Variants in VPS13A observed in about 807,000 individuals in gnomAD.
VPS13A encodes the protein intermembrane lipid transfer protein VPS13A.
A neutral mutation model predicts 390.9 loss-of-function variants in VPS13A; 264 were observed. That is an observed-to-expected ratio of 0.68 (90% CI 0.61 to 0.75). The LOEUF is 0.75. VPS13A is among the 30% of genes least tolerant of loss of function. The pLI is 0.00. For synonymous variants in VPS13A, 1,231 were observed against 1,227.1 expected, an observed-to-expected ratio of 1.00 and a Z score of -0.07; for missense variants, 3,409 against 3,733.9, an observed-to-expected ratio of 0.91 and a Z score of 2.27.
chr9:77,201,522 A>G, intron 3 of VPS13A, 115 bp downstream of exon 3: 3 of 983,020 alleles, frequency 3.1e-6, no homozygotes, highest in Admixed American at 3.5e-5. Context: ...ATTAAAAATA[A>G]TCATGTGTTT....
At chr9:77,298,932 C>G (rs1303871644) in intron 33 of VPS13A, among the ~76,000 whole-genome samples, 2 of 152,134 alleles carry the variant, frequency 1.3e-5, no homozygotes, top group Non-Finnish European at 2.9e-5. Context: ...CCTTTACTTT[C>G]TGCCATGCTT....
At chr9:77,411,499 T>TA (rs1834919480) in intron 71 of VPS13A, among the ~76,000 whole-genome samples, 1 of 151,186 alleles carries the variant, frequency 6.6e-6, no homozygotes, top group Non-Finnish European at 1.5e-5. Flanking sequence ...CCGTCTCTAC[T>TA]AAAAATACAA....
At position 77,276,234 on chromosome 9, in the gene VPS13A, A is replaced by AT; in HGVS notation, c.2824+19dup. The AT allele has an allele frequency of 6.4e-7, 1 of 1,566,166 alleles. No homozygotes were observed. The highest frequency in any genetic ancestry group is 8.6e-7 in the Non-Finnish European group (1 of 1,157,248). On this transcript the variant is annotated intron_variant, in intron 26 of 71. Coordinates refer to ENST00000360280, the MANE Select transcript of VPS13A (RefSeq NM_033305.3). ...CCAGAATACTTGGGTAAGAATCTCT[A>AT]TTTTTTAAAATAAATAAATTAATTT...
chr9:77,316,317 G>A lies in VPS13A; in HGVS notation c.4774G>A (p.Glu1592Lys), dbSNP rs1167402477. 1.2e-6 allele frequency: 2 copies of A among 1,613,044 alleles called. No homozygotes were observed. The highest frequency in any genetic ancestry group is 1.7e-6 in the Non-Finnish European group (2 of 1,179,370). Residue 1592 changes from glutamate (E) to lysine (K), a missense_variant, in exon 39 of 72, where the codon GAA (glutamate) becomes AAA (lysine). This residue lies in a region of VPS13A where 2,717 missense variants were observed against 2,917.4 expected (regional missense o/e 0.93). Coordinates refer to ENST00000360280, the MANE Select transcript of VPS13A (RefSeq NM_033305.3). ...QCEICYKGNL[E>K]NSTMTAAIKD... ...TGAAATTTGCTATAAAGGTAACCTT[G>A]AAAATAGTACAATGACTGCTGCCAT...
intron 5 of VPS13A, 70 bp from the exon 6 acceptor site, chr9:77,209,353 C>T (rs190349790): frequency 9.3e-7 from 1 of 1,080,914 alleles, no homozygotes; most frequent in East Asian, 2.6e-5. Context: ...AAGCATGTTA[C>T]TTCAGTATGT....
intron 23 of VPS13A, among the ~76,000 whole-genome samples, chr9:77,262,188 A>G (rs1193537782): frequency 1.3e-5 from 2 of 151,838 alleles, no homozygotes; most frequent in African/African-American, 2.4e-5. Context: ...TTTATCTCAT[A>G]TGTAAATTTA....
chr9:77,252,475 G>T, intron 22 of VPS13A, 123 bp downstream of exon 22: 1 of 846,406 alleles, frequency 1.2e-6, no homozygotes, highest in South Asian at 1.3e-5. Flanking sequence ...ACTCTTCCTT[G>T]TGTGTGTGGT....
intron 31 of VPS13A, among the ~76,000 whole-genome samples, chr9:77,283,916 G>C (rs1485326705): frequency 6.6e-6 from 1 of 150,796 alleles, no homozygotes; most frequent in Admixed American, 6.6e-5. Context: ...TACGAATAAT[G>C]CTGCAGGAAC....
intron 68 of VPS13A, among the ~76,000 whole-genome samples, chr9:77,400,977 T>G (rs919508009): frequency 1.3e-5 from 2 of 152,200 alleles, no homozygotes; most frequent in African/African-American, 4.8e-5. Flanking sequence ...AAACGCCATT[T>G]ATTTGATAAT....
rs780413385 is a variant in VPS13A, at chr9:77,371,153, A to G, written c.9077+4A>G. The G allele has an allele frequency of 1.2e-6, 2 of 1,613,966 alleles. No homozygotes were observed. The highest frequency in any genetic ancestry group is 1.1e-5 in the South Asian group (1 of 91,068). Reference sequence around the variant, plus strand: ...GTACATTTCAGGGAATAAAAAGGTAAATCCTCTTTGGTGTAAGATATGAGT... The same window carrying G: ...GTACATTTCAGGGAATAAAAAGGTAGATCCTCTTTGGTGTAAGATATGAGT... On this transcript the variant is annotated splice_donor_region_variant and intron_variant, in intron 67 of 71. Transcript: ENST00000360280.
At chr9:77,265,868 T>C (rs941296743) in intron 23 of VPS13A, among the ~76,000 whole-genome samples, 1 of 152,226 alleles carries the variant, frequency 6.6e-6, no homozygotes, top group Non-Finnish European at 1.5e-5. Context: ...CTCTTGCTTC[T>C]CTGGTTCTTT....
chr9:77,252,438 G>A (rs1825196779), intron 22 of VPS13A, 86 bp downstream of exon 22: 2 of 1,060,742 alleles, frequency 1.9e-6, no homozygotes, highest in Non-Finnish European at 2.9e-6. Flanking sequence ...ACTCTTCCTT[G>A]TGTGTGTGGT....
chr9:77,352,331 T>C (rs1167389809), intron 53 of VPS13A, among the ~76,000 whole-genome samples: 1 of 152,212 alleles, frequency 6.6e-6, no homozygotes, highest in Non-Finnish European at 1.5e-5. Context: ...GATGTTTTTT[T>C]TTCTTACCAC....
intron 1 of VPS13A, among the ~76,000 whole-genome samples, chr9:77,196,486 C>T (rs547009616): frequency 2.6e-5 from 4 of 152,238 alleles, no homozygotes; most frequent in East Asian, 1.9e-4. Flanking sequence ...TTTCCCCTCT[C>T]GCCAGTATTC....
intron 68 of VPS13A, among the ~76,000 whole-genome samples, chr9:77,399,215 C>T (rs532582006): frequency 1.0e-4 from 13 of 124,650 alleles, no homozygotes; most frequent in South Asian, 5.4e-4. Context: ...ACAAAGGATA[C>T]GGTTGATTAC....
At chr9:77,392,932 G>A (rs1270235836) in intron 68 of VPS13A, among the ~76,000 whole-genome samples, 1 of 151,806 alleles carries the variant, frequency 6.6e-6, no homozygotes, top group African/African-American at 2.4e-5. Context: ...TGGGATAGCT[G>A]TGGTAATATC....
At chr9:77,383,969 T>TG (rs1247932162) in intron 68 of VPS13A, among the ~76,000 whole-genome samples, 2 of 139,076 alleles carry the variant, frequency 1.4e-5, no homozygotes, top group South Asian at 2.6e-4. Flanking sequence ...GGTTTTGTTT[T>TG]TTTTTTTTTA....
At chr9:77,189,954 T>A (rs1476598335) in intron 1 of VPS13A, among the ~76,000 whole-genome samples, 2 of 152,216 alleles carry the variant, frequency 1.3e-5, no homozygotes, top group Non-Finnish European at 2.9e-5. Flanking sequence ...ATTGATTTTG[T>A]ATCCTGAAAG....
chr9:77,369,589 C>G (rs1351101749), intron 63 of VPS13A, among the ~76,000 whole-genome samples, 177 bp downstream of exon 63: 1 of 152,116 alleles, frequency 6.6e-6, no homozygotes, highest in Non-Finnish European at 1.5e-5. Context: ...TACCCTTTTC[C>G]TCAAAATTTA....
Sources: gnomAD v4.1 joint callset for allele counts (sites outside exome capture counted in the v4.1 genomes callset) on GRCh38, gnomAD v4.1.1 for gene constraint, gnomAD v4.1.1 regional missense constraint, MANE v1.5 for transcripts, NCBI Gene and HGNC (gene_info 2026-07-23, HGNC 2026-07-21) for gene names.